The following SCN7A variants were observed in gnomAD, a reference collection of about 807,000 sequenced individuals.
The protein encoded by SCN7A is sodium channel protein type 7 subunit alpha.
Under a neutral mutation model 155.2 loss-of-function variants are expected in SCN7A, and 138 were observed. The ratio of observed to expected loss-of-function variants is 0.89; its 90% CI spans 0.77 to 1.02. SCN7A has a LOEUF of 1.02. Among genes scored for constraint, SCN7A ranks in the 50% least tolerant of loss-of-function variants. SCN7A has a pLI of 0.00. For missense variants in SCN7A, 2,058 were observed against 1,986.6 expected, an observed-to-expected ratio of 1.04 and a Z score of -0.68; for synonymous variants, 693 against 649.0, an observed-to-expected ratio of 1.07 and a Z score of -1.03.
In SCN7A at chr2:166,406,418, T is replaced by A. The variant is rs1701075484; in HGVS notation, c.4211A>T (p.Tyr1404Phe). 3 of 1,613,008 alleles carry A rather than the reference T, an allele frequency of 1.9e-6. No homozygotes were observed. The highest frequency in any genetic ancestry group is 2.5e-6 in the Non-Finnish European group (3 of 1,179,376). ...ATTAATTCCAGCTTCTTTTTTAACA[T>A]AGGCAAAATTATACATTCCAAATAC... ...YAVFGMYNFA[Y>F]VKKEAGINDV... The change falls in exon 26 of 26, where the codon TAT (tyrosine) becomes TTT (phenylalanine). Residue 1404 changes from tyrosine to phenylalanine, a missense_variant. Tyr to Phe is a conservative substitution (Grantham distance 22). Transcript: ENST00000643258.
chr2:166,446,926 G>A lies in SCN7A; in HGVS notation c.1387+686C>T, dbSNP rs77607571. 4.2e-3 allele frequency among the ~76,000 whole-genome samples: 633 copies of A among 152,192 alleles called. 2 individuals carry two copies. Among genetic ancestry groups the A allele is most frequent in the Admixed American group, 9.0e-3 (137 of 15,274 alleles). ...ATTGGGAAAAGTGCCTAATGCATGCGGAGCTTAAGACCTGGATGATGGGTT... is the reference window on the plus strand; with the variant it reads ...ATTGGGAAAAGTGCCTAATGCATGCAGAGCTTAAGACCTGGATGATGGGTT... On this transcript the variant is annotated intron_variant, in intron 12 of 25. Transcript: ENST00000643258.
intron 19 of SCN7A, 82 bp from the exon 20 acceptor site, chr2:166,421,379 C>G (rs1701507687): frequency 1.4e-6 from 1 of 732,160 alleles, no homozygotes; most frequent in Admixed American, 3.7e-5. Flanking sequence ...GCATTTATTA[C>G]AACAGATATA....
At chr2:166,459,432 T>C (rs1702354155) in intron 10 of SCN7A, among the ~76,000 whole-genome samples, 1 of 152,212 alleles carries the variant, frequency 6.6e-6, no homozygotes, top group Non-Finnish European at 1.5e-5. Context: ...TTAGCTATAC[T>C]GTAAACATAA....
chr2:166,414,319 T>TATACAC (rs1701309803), intron 21 of SCN7A, among the ~76,000 whole-genome samples: 1 of 104,618 alleles, frequency 9.6e-6, no homozygotes, highest in Non-Finnish European at 1.7e-5. Flanking sequence ...TATACACATA[T>TATACAC]ATATATATAT....
At chr2:166,478,392 T>C (rs558565593) in intron 2 of SCN7A, among the ~76,000 whole-genome samples, 5 of 151,782 alleles carry the variant, frequency 3.3e-5, no homozygotes, top group African/African-American at 9.6e-5. Context: ...TCCTCTGTTA[T>C]ATCTATCATT....
At chr2:166,412,965 C>T (rs1171308071) in intron 22 of SCN7A, 103 bp downstream of exon 22, 3 of 925,188 alleles carry the variant, frequency 3.2e-6, no homozygotes, top group African/African-American at 3.4e-5. Flanking sequence ...CCAATCTGAA[C>T]TGCATTTGAT....
intron 14 of SCN7A, 112 bp downstream of exon 14, chr2:166,443,391 T>C (rs1326674525): frequency 2.4e-6 from 2 of 847,692 alleles, no homozygotes; most frequent in African/African-American, 3.5e-5. Flanking sequence ...ATCAATTCAT[T>C]TAATGCTCCC....
At position 166,465,513 on chromosome 2, in the gene SCN7A, T is replaced by C. The variant is rs775607225; in HGVS notation, c.890A>G (p.Tyr297Cys). ...GAGAGCATATCTTTCTCCTTCCAAA[T>C]AATAAAAGTTTTCTGTTTCTGAAAA... ...YYIRETENFY[Y>C]LEGERYALLC... Residue 297 changes from tyrosine (Y) to cysteine (C), a missense_variant, in exon 9 of 26, where the codon TAT (tyrosine) becomes TGT (cysteine). Physicochemically the swap from Tyr to Cys is radical, Grantham distance 194 (BLOSUM62 -2). Transcript: ENST00000643258. The C allele has an allele frequency of 1.9e-6, 3 of 1,604,250 alleles. No individual in the cohort carries two copies. Among genetic ancestry groups the C allele is most frequent in the Middle Eastern group, 1.7e-4 (1 of 6,056 alleles).
intron 21 of SCN7A, 78 bp downstream of exon 21, chr2:166,416,629 C>T (rs1701382873): frequency 4.1e-6 from 5 of 1,227,240 alleles, no homozygotes; most frequent in Middle Eastern, 5.3e-4. Flanking sequence ...TATTAATCGC[C>T]CACATTTTGT....
rs990275960 is a variant in SCN7A at position 166,447,660 on chromosome 2, C to T, written c.1339G>A (p.Asp447Asn). 2.5e-6 allele frequency: 4 copies of T among 1,613,242 alleles called. No individual in the cohort carries two copies. The highest frequency in any genetic ancestry group is 3.3e-5 in the Admixed American group (2 of 59,942). The change falls in exon 12 of 26, where the codon GAC (aspartate) becomes AAC (asparagine). Residue 447 changes from aspartate (D) to asparagine (N), a missense_variant. Physicochemically the swap from Asp to Asn is conservative, Grantham distance 23. Coordinates refer to ENST00000643258, the MANE Select transcript of SCN7A (RefSeq NM_002976.4). ...TCTTCCAACACATCCAATGATGTGT[C>T]TGTGGAAATTGGTGACCTTTTCTTC... ...EMKKRSPIST[D>N]TSLDVLEDAT... is the part of the protein sequence containing the mutation.
intron 13 of SCN7A, among the ~76,000 whole-genome samples, chr2:166,444,349 G>A (rs1702018211): frequency 1.3e-5 from 2 of 152,322 alleles, no homozygotes; most frequent in African/African-American, 4.8e-5. Flanking sequence ...GGTTAGAACA[G>A]ACAGGGCCAA....
chr2:166,410,144 A>G, intron 24 of SCN7A, 76 bp downstream of exon 24: 3 of 1,223,532 alleles, frequency 2.5e-6, no homozygotes. Flanking sequence ...TGACAAAAAC[A>G]TTTGTTAAGG....
intron 11 of SCN7A, among the ~76,000 whole-genome samples, chr2:166,455,478 A>T (rs1702253957): frequency 6.6e-6 from 1 of 152,130 alleles, no homozygotes; most frequent in African/African-American, 2.4e-5. Context: ...TCAGTTACTA[A>T]GTGGGGGCTC....
intron 13 of SCN7A, among the ~76,000 whole-genome samples, chr2:166,444,430 C>A (rs1702019763): frequency 6.6e-6 from 1 of 151,890 alleles, no homozygotes; most frequent in African/African-American, 2.4e-5. Flanking sequence ...CTACTCTGAT[C>A]TATGAGCTAA....
intron 10 of SCN7A, 149 bp from the exon 11 acceptor site, chr2:166,457,225 C>T: frequency 3.3e-6 from 2 of 609,418 alleles, no homozygotes; most frequent in Non-Finnish European, 2.8e-6. Context: ...GCACTGGCTC[C>T]ACCTGAAGAA....
At chr2:166,425,818 C>A (rs556160587) in intron 18 of SCN7A, among the ~76,000 whole-genome samples, 2 of 152,176 alleles carry the variant, frequency 1.3e-5, no homozygotes, top group East Asian at 3.9e-4. Context: ...TCTGTGATGA[C>A]CCTTTGCCAT....
At chr2:166,471,610 C>T (rs1169044758) in intron 6 of SCN7A, among the ~76,000 whole-genome samples, 1 of 150,558 alleles carries the variant, frequency 6.6e-6, no homozygotes, top group African/African-American at 2.4e-5. Context: ...TTATTTTTAA[C>T]AAGAGTTTGA....
chr2:166,414,841 A>ATATATAATATATAT (rs1701326977), intron 21 of SCN7A: 1 of 132,204 alleles, frequency 7.6e-6, no homozygotes, highest in Non-Finnish European at 1.6e-5. Context: ...GATATATATA[A>ATATATAATATATAT]TATATAGGAT....
rs1701019314 is a variant in SCN7A, at chr2:166,404,311, A to C, written c.*1269T>G. The C allele has an allele frequency of 6.6e-6, 1 of 151,998 alleles. No homozygotes were observed. Among genetic ancestry groups the C allele is most frequent in the Non-Finnish European group, 1.5e-5 (1 of 67,930 alleles). The allele number at this position is 151,998 out of a possible 1,614,324, so 9.4% of individuals were successfully genotyped here. On this transcript the variant is annotated 3_prime_UTR_variant, in exon 26 of 26. Coordinates refer to ENST00000643258, the MANE Select transcript of SCN7A (RefSeq NM_002976.4). ...AACTATTTATGCCTATCTTTAAAAA[A>C]CAATTTCAATAGTGAAAACTAATGT... is the stretch of plus-strand genomic sequence containing the variant.
Sources: gnomAD v4.1 joint callset for allele counts (sites outside exome capture counted in the v4.1 genomes callset) on GRCh38, gnomAD v4.1.1 for gene constraint, MANE v1.5 for transcripts, NCBI Gene and HGNC (gene_info 2026-07-23, HGNC 2026-07-21) for gene names.